HOXD10: variants seen among roughly 807,000 people sequenced by gnomAD.
HOXD10 encodes homeobox protein Hox-D10.
Under a neutral mutation model 27.0 loss-of-function variants are expected in HOXD10, and 15 were observed. The observed-to-expected ratio is 0.56, with a 90% CI of 0.37 to 0.85. The LOEUF is 0.85. Ranked by LOEUF, HOXD10 falls within the 40% of genes least tolerant of loss-of-function variation. The probability of loss-of-function intolerance (pLI) is 0.00; values close to 1 mark genes in which losing one functional copy is unlikely to be tolerated. For synonymous variants in HOXD10, 178 were observed against 160.9 expected (o/e 1.11, Z -0.80); for missense variants, 440 against 430.4 (o/e 1.02, Z -0.20).
rs1263431750 is a variant in HOXD10, at chr2:176,117,146, A to G, written c.313A>G (p.Thr105Ala). ...GCAAGTCCCCACTTGCTCCTTCACC[A>G]CCAACATTAAGGAAGAATCCAATTG... ...TQQVPTCSFTTNIKEESNCCM... is the reference protein window; with the variant it reads ...TQQVPTCSFTANIKEESNCCM... The change falls in exon 1 of 2, where the codon ACC (threonine) becomes GCC (alanine). Residue 105 changes from threonine to alanine, a missense_variant. Thr to Ala is a moderately conservative substitution (Grantham distance 58). Coordinates refer to ENST00000249501, the MANE Select transcript of HOXD10 (RefSeq NM_002148.4). The G allele has an allele frequency of 1.2e-6, 2 of 1,614,078 alleles. No individual in the cohort carries two copies. The highest frequency in any genetic ancestry group is 1.3e-5 in the African/African-American group (1 of 74,928).
chr2:176,118,566 C>T (rs1689804280), intron 1 of HOXD10, among the ~76,000 whole-genome samples: 1 of 152,188 alleles, frequency 6.6e-6, no homozygotes, highest in African/African-American at 2.4e-5. Context: ...GCGTATTCCC[C>T]TCCGTCCCTG....
rs1559118669 is a variant in HOXD10, at chr2:176,119,465, A to ATATATATATATG, written c.*234_*235insTATATATATATG. On this transcript the variant is annotated 3_prime_UTR_variant, in exon 2 of 2. Coordinates refer to ENST00000249501, the MANE Select transcript of HOXD10 (RefSeq NM_002148.4). ...TATATATATATATATATATATATAT[A>ATATATATATATG]AAAACTTAGCACGTGTAATTTATTA... The ATATATATATATG allele has an allele frequency of 7.1e-6, 1 of 140,932 alleles. No individual in the cohort carries two copies. The highest frequency in any genetic ancestry group is 7.2e-5 in the Admixed American group (1 of 13,922). The allele number at this position is 140,932 out of a possible 1,614,324, so 8.7% of individuals were successfully genotyped here. A position where few individuals can be genotyped will look rare whatever the true frequency, so the allele number is the denominator to read the frequency against.
chr2:176,119,922 T>A lies in HOXD10; in HGVS notation c.*691T>A, dbSNP rs1202550211. On this transcript the variant is annotated 3_prime_UTR_variant, in exon 2 of 2. Coordinates refer to ENST00000249501, the MANE Select transcript of HOXD10 (RefSeq NM_002148.4). ...TGTTCTGGTCGCATGTATAATGCAA[T>A]AAACTCTGGAAATGAGTTCACTCCC... 1 of 152,612 alleles carries A rather than the reference T, an allele frequency of 6.6e-6. No homozygotes were observed. Among genetic ancestry groups the A allele is most frequent in the Non-Finnish European group, 1.5e-5 (1 of 68,036 alleles). 9.5% of individuals were successfully genotyped at this position (152,612 alleles called of 1,614,324 possible).
chr2:176,119,435 G>GTATGTATATATATATATATATATATA lies in HOXD10; in HGVS notation c.*207_*208insGTATATATATATATATATATATATAT, dbSNP rs71409068. The stretch of plus-strand genomic sequence containing the variant: ...TGCAAGTGATCTGTAATCCCTATGA[G>GTATGTATATATATATATATATATATA]TATATATATATATATATATATATAT... On this transcript the variant is annotated 3_prime_UTR_variant, in exon 2 of 2. Coordinates refer to ENST00000249501, the MANE Select transcript of HOXD10 (RefSeq NM_002148.4). 5.6e-5 allele frequency: 10 copies of GTATGTATATATATATATATATATATA among 177,788 alleles called. No individual in the cohort carries two copies. The highest frequency in any genetic ancestry group is 3.7e-4 in the African/African-American group (8 of 21,522). 11.0% of individuals were successfully genotyped at this position (177,788 alleles called of 1,614,324 possible). A position where few individuals can be genotyped will look rare whatever the true frequency, so the allele number is the denominator to read the frequency against.
rs1689777318 is a variant in HOXD10, at chr2:176,117,401, C to A, written c.568C>A (p.Leu190Ile). Residue 190 changes from leucine (L) to isoleucine (I), a missense_variant, in exon 1 of 2, where the codon CTC becomes ATC. Coordinates refer to ENST00000249501, the MANE Select transcript of HOXD10 (RefSeq NM_002148.4). ...CCCTCGTGGCGCGGCCAAGCCGCAG[C>A]TCTCCGCTGCCCAGCTGCAGATGGA... ...LNPRGAAKPQ[L>I]SAAQLQMEKK... 1.9e-6 allele frequency: 3 copies of A among 1,613,462 alleles called. No homozygotes were observed.
rs1187913185 is a variant in HOXD10, at chr2:176,116,855, CCTG to C, written c.28_30del (p.Ala10del). 3.1e-6 allele frequency: 5 copies of C among 1,613,994 alleles called. No individual in the cohort carries two copies. Among genetic ancestry groups the C allele is most frequent in the African/African-American group, 1.3e-5 (1 of 74,926 alleles). ...CAAAATGTCCTTTCCCAACAGCTCT[CCTG>C]CTGCTAATACTTTTTTAGTAGATTC... On this transcript the variant is annotated inframe_deletion, in exon 1 of 2. Coordinates refer to ENST00000249501, the MANE Select transcript of HOXD10 (RefSeq NM_002148.4).
chr2:176,118,858 G>C lies in HOXD10; in HGVS notation c.746-96G>C, dbSNP rs3731792. On this transcript the variant is annotated intron_variant, in intron 1 of 1. Coordinates refer to ENST00000249501, the MANE Select transcript of HOXD10 (RefSeq NM_002148.4). The stretch of plus-strand genomic sequence containing the variant: ...ACAGTCTGAAGAAAAAAACAAAAAC[G>C]AAAACCAAAACCAAAACCAAAACAA... 13,947 of 1,216,930 alleles carry C rather than the reference G, an allele frequency of 0.011. 1,029 individuals carry two copies. The East Asian group carries it at 0.21, about 18-fold the overall frequency. The allele number at this position is 1,216,930 out of a possible 1,614,324, so 75.4% of individuals were successfully genotyped here.
rs1221809508 is a variant in HOXD10 at position 176,118,852 on chromosome 2, AAAAACG to A, written c.746-96_746-91del. ...ATTTGAACAGTCTGAAGAAAAAAACAAAAACGAAAACCAAAACCAAAACCAAAACAA... is the reference window on the plus strand; with the variant it reads ...ATTTGAACAGTCTGAAGAAAAAAACAAAAACCAAAACCAAAACCAAAACAA... On this transcript the variant is annotated intron_variant, in intron 1 of 1. Transcript: ENST00000249501. The A allele has an allele frequency of 1.6e-4, 171 of 1,101,022 alleles. 1 individual carries two copies. The East Asian group carries it at 3.2e-3, about 21-fold the overall frequency. 68.2% of individuals were successfully genotyped at this position (1,101,022 alleles called of 1,614,324 possible).
chr2:176,117,406 C>G lies in HOXD10; in HGVS notation c.573C>G (p.Ser191=). ...GTGGCGCGGCCAAGCCGCAGCTCTC[C>G]GCTGCCCAGCTGCAGATGGAAAAGA... ...NPRGAAKPQL[S]AAQLQMEKKM... The change falls in exon 1 of 2, where the codon TCC becomes TCG. Residue 191 remains serine, a synonymous_variant. Coordinates refer to ENST00000249501, the MANE Select transcript of HOXD10 (RefSeq NM_002148.4). 1 of 1,613,420 alleles carries G rather than the reference C, an allele frequency of 6.2e-7. No homozygotes were observed. The highest frequency in any genetic ancestry group is 1.1e-5 in the South Asian group (1 of 91,090).
rs138285387 is a variant in HOXD10, at chr2:176,118,136, G to A, written c.745+558G>A. 1.2e-3 allele frequency among the ~76,000 whole-genome samples: 179 copies of A among 152,338 alleles called. 1 individual carries two copies. Among genetic ancestry groups the A allele is most frequent in the African/African-American group, 3.9e-3 (162 of 41,574 alleles). ...GTTTAGGAAAAGTGCTGCAGTCTTT[G>A]CAATCCGTCGGCAAAGAGGGCAAAG... On this transcript the variant is annotated intron_variant, in intron 1 of 1. Transcript: ENST00000249501.
chr2:176,119,088 G>T lies in HOXD10; in HGVS notation c.880G>T (p.Glu294Ter). 1 of 1,614,054 alleles carries T rather than the reference G, an allele frequency of 6.2e-7. No individual in the cohort carries two copies. The highest frequency in any genetic ancestry group is 1.3e-5 in the African/African-American group (1 of 75,000). Reference protein sequence around the residue: ...EFLFNMYLTRERRLEISKSVN... With the variant: ...EFLFNMYLTR ...CTTGTTCAATATGTACCTCACCCGC[G>T]AGCGCCGCCTAGAGATCAGTAAGAG... The change falls in exon 2 of 2, where the codon GAG becomes TAG. Residue 294 changes from glutamate to a stop codon, truncating the protein, a stop_gained. Coordinates refer to ENST00000249501, the MANE Select transcript of HOXD10 (RefSeq NM_002148.4). LOFTEE classifies it high-confidence loss of function.
rs1337405850 is a variant in HOXD10 at position 176,119,436 on chromosome 2, T to C, written c.*205T>C. ...GCAAGTGATCTGTAATCCCTATGAG[T>C]ATATATATATATATATATATATATA... On this transcript the variant is annotated 3_prime_UTR_variant, in exon 2 of 2. Coordinates refer to ENST00000249501, the MANE Select transcript of HOXD10 (RefSeq NM_002148.4). The C allele has an allele frequency of 8.5e-4, 16 of 18,840 alleles. No homozygotes were observed. The highest frequency in any genetic ancestry group is 1.7e-3 in the Non-Finnish European group (13 of 7,776). 1.2% of individuals were successfully genotyped at this position (18,840 alleles called of 1,614,324 possible). A position where few individuals can be genotyped will look rare whatever the true frequency, so the allele number is the denominator to read the frequency against.
In HOXD10 at chr2:176,117,033, T is replaced by C. The variant is rs753828458; in HGVS notation, c.200T>C (p.Met67Thr). The change falls in exon 1 of 2, where the codon ATG becomes ACG. Residue 67 changes from methionine (M) to threonine (T), a missense_variant. Transcript: ENST00000249501. ...LAKREVNHQNMGMNVHPYIPQ... is the reference protein window; with the variant it reads ...LAKREVNHQNTGMNVHPYIPQ... ...AAAAGAGAAGTGAACCACCAAAATATGGGTATGAATGTGCATCCTTATATA... is the reference window on the plus strand; with the variant it reads ...AAAAGAGAAGTGAACCACCAAAATACGGGTATGAATGTGCATCCTTATATA... 4.3e-6 allele frequency: 7 copies of C among 1,614,176 alleles called. No homozygotes were observed. The Admixed American group carries it at 5.0e-5, about 12-fold the overall frequency.
rs758327405 is a variant in HOXD10, at chr2:176,117,403, C to A, written c.570C>A (p.Leu190=). 3.7e-6 allele frequency: 6 copies of A among 1,613,446 alleles called. No individual in the cohort carries two copies. The Admixed American group carries it at 8.3e-5, about 22-fold the overall frequency. ...LNPRGAAKPQ[L]SAAQLQMEKK... is the part of the protein sequence containing the mutation. ...CTCGTGGCGCGGCCAAGCCGCAGCT[C>A]TCCGCTGCCCAGCTGCAGATGGAAA... The change falls in exon 1 of 2, where the codon CTC becomes CTA. Residue 190 remains leucine (L), a synonymous_variant. Coordinates refer to ENST00000249501, the MANE Select transcript of HOXD10 (RefSeq NM_002148.4).
rs765114168 is a variant in HOXD10 at position 176,116,894 on chromosome 2, G to A, written c.61G>A (p.Ala21Thr). ...NTFLVDSLIS[A>T]CRSDSFYSSS... ...TTTTTTAGTAGATTCCTTGATCAGT[G>A]CCTGCAGGAGTGACAGTTTTTATTC... is the stretch of plus-strand genomic sequence containing the variant. The change falls in exon 1 of 2, where the codon GCC becomes ACC. Residue 21 changes from alanine to threonine, a missense_variant. Coordinates refer to ENST00000249501, the MANE Select transcript of HOXD10 (RefSeq NM_002148.4). The A allele has an allele frequency of 1.2e-6, 2 of 1,613,968 alleles. No homozygotes were observed. Among genetic ancestry groups the A allele is most frequent in the South Asian group, 1.1e-5 (1 of 91,080 alleles).
Sources: allele counts gnomAD v4.1 joint callset (sites outside exome capture counted in the v4.1 genomes callset), GRCh38; gene constraint gnomAD v4.1.1; transcripts MANE v1.5; gene names NCBI Gene and HGNC (gene_info 2026-07-23, HGNC 2026-07-21).